Variants in TTC5 observed in about 807,000 individuals in gnomAD.
TTC5 encodes the protein tetratricopeptide repeat domain 5, also known as tetratricopeptide repeat protein 5.
Under a neutral mutation model 57.4 loss-of-function variants are expected in TTC5, and 46 were observed. The ratio of observed to expected loss-of-function variants is 0.80; its 90% CI spans 0.63 to 1.03. The LOEUF (loss-of-function observed/expected upper bound fraction) is 1.03. Ranked by LOEUF, TTC5 falls within the 50% of genes least tolerant of loss-of-function variation. TTC5 has a pLI of 0.00. For missense variants in TTC5, 504 were observed against 528.1 expected (o/e 0.95, Z 0.45); for synonymous variants, 190 against 203.5 (o/e 0.93, Z 0.57).
At chr14:20,298,626 A>T (rs756124188) in intron 5 of TTC5, among the ~76,000 whole-genome samples, 171 bp downstream of exon 5, 1 of 152,222 alleles carries the variant, frequency 6.6e-6, no homozygotes, top group Non-Finnish European at 1.5e-5. Flanking sequence ...CACTCAAGTT[A>T]TAAGAAGTCA....
chr14:20,296,767 C>G (rs1882072472), intron 5 of TTC5, among the ~76,000 whole-genome samples: 1 of 152,162 alleles, frequency 6.6e-6, no homozygotes, highest in Admixed American at 6.5e-5. Context: ...AATCCCAGCA[C>G]TTTGGAAAGC....
chr14:20,299,146 G>T (rs1882129155), intron 4 of TTC5, 152 bp downstream of exon 4: 1 of 851,790 alleles, frequency 1.2e-6, no homozygotes, highest in Non-Finnish European at 1.8e-6. Flanking sequence ...TAGAAAAGTA[G>T]TTCCCCAAAA....
intron 3 of TTC5, 79 bp from the exon 4 acceptor site, chr14:20,299,527 A>G: frequency 2.6e-6 from 4 of 1,512,082 alleles, no homozygotes; most frequent in Non-Finnish European, 2.7e-6. Flanking sequence ...TCAGTCTTCT[A>G]AATCTAATTT....
chr14:20,289,855 C>A lies in TTC5; in HGVS notation c.1204-109G>T, dbSNP rs562116024. On this transcript the variant is annotated intron_variant, in intron 9 of 9. Coordinates refer to ENST00000258821, the MANE Select transcript of TTC5 (RefSeq NM_138376.3). ...TCTGCACCACCTCCCCTGTTGTATA[C>A]CCCCTCTACTTCCATCTCACATCAG... 8.5e-6 allele frequency: 10 copies of A among 1,177,302 alleles called. No homozygotes were observed. The Admixed American group carries it at 1.9e-4, about 23-fold the overall frequency. The allele number at this position is 1,177,302 out of a possible 1,614,324, so 72.9% of individuals were successfully genotyped here.
At chr14:20,290,774 A>T (rs1243793199) in intron 9 of TTC5, among the ~76,000 whole-genome samples, 1 of 152,226 alleles carries the variant, frequency 6.6e-6, no homozygotes, top group Non-Finnish European at 1.5e-5. Context: ...CTATTATAAA[A>T]GTACTAATTT....
chr14:20,298,680 T>C (rs1423217837), intron 5 of TTC5, 117 bp downstream of exon 5: 6 of 694,120 alleles, frequency 8.6e-6, no homozygotes, highest in Non-Finnish European at 2.4e-6. Context: ...AAAAATGAGA[T>C]GCCAGCAAAC....
chr14:20,287,699 C>T lies in TTC5; in HGVS notation c.*1928G>A, dbSNP rs1428163650. 1 of 152,136 alleles carries T rather than the reference C, an allele frequency of 6.6e-6. No homozygotes were observed. The highest frequency in any genetic ancestry group is 1.5e-5 in the Non-Finnish European group (1 of 68,034). 9.4% of individuals were successfully genotyped at this position (152,136 alleles called of 1,614,324 possible). A position where few individuals can be genotyped will look rare whatever the true frequency, so the allele number is the denominator to read the frequency against. ...CTGGCCATTTTTCTACTCTCTAGCC[C>T]TACACAGAACATGTCAACTCATCTC... On this transcript the variant is annotated 3_prime_UTR_variant, in exon 10 of 10. Transcript: ENST00000258821.
At chr14:20,294,748 A>G (rs2138808754) in intron 8 of TTC5, 1 of 152,472 alleles carries the variant, frequency 6.6e-6, no homozygotes, top group East Asian at 1.9e-4. Context: ...TTTCTAAACA[A>G]ATATTCTTAA....
intron 8 of TTC5, 181 bp downstream of exon 8, chr14:20,295,131 T>C (rs1882033040): frequency 3.3e-6 from 2 of 611,004 alleles, no homozygotes; most frequent in African/African-American, 1.9e-5. Context: ...TACAAAAGCC[T>C]CTGATCAAAA....
intron 9 of TTC5, among the ~76,000 whole-genome samples, chr14:20,290,780 A>G (rs1689954383): frequency 6.6e-6 from 1 of 152,186 alleles, no homozygotes; most frequent in Admixed American, 6.5e-5. Context: ...TAAAAGTACT[A>G]ATTTAGATCG....
intron 1 of TTC5, 133 bp downstream of exon 1, chr14:20,305,754 G>A: frequency 2.1e-6 from 2 of 942,502 alleles, no homozygotes; most frequent in Non-Finnish European, 3.4e-6. Flanking sequence ...ACCCTCGAGG[G>A]TTGTTATAGT....
At position 20,299,152 on chromosome 14, in the gene TTC5, C is replaced by T. The variant is rs1005889828; in HGVS notation, c.547+146G>A. 3.3e-6 allele frequency: 3 copies of T among 911,172 alleles called. No individual in the cohort carries two copies. The Admixed American group carries it at 8.6e-5, about 26-fold the overall frequency. 56.4% of individuals were successfully genotyped at this position (911,172 alleles called of 1,614,324 possible). On this transcript the variant is annotated intron_variant, in intron 4 of 9. Transcript: ENST00000258821. ...AAGAGTTCCTAGAAAAGTAGTTCCC[C>T]AAAATGTCTTTCGTGTGTCTTCAAA...
chr14:20,301,621 A>T (rs1882194058), intron 2 of TTC5, among the ~76,000 whole-genome samples: 1 of 152,232 alleles, frequency 6.6e-6, no homozygotes, highest in Non-Finnish European at 1.5e-5. Flanking sequence ...TCAAGTAAGT[A>T]TGCTCTTTCA....
intron 1 of TTC5, among the ~76,000 whole-genome samples, chr14:20,304,807 T>G (rs947147735): frequency 6.6e-6 from 1 of 152,342 alleles, no homozygotes; most frequent in African/African-American, 2.4e-5. Flanking sequence ...TTGTTTGGTT[T>G]TATTGTTTGG....
At chr14:20,299,517 T>G in intron 3 of TTC5, 69 bp from the exon 4 acceptor site, 1 of 1,533,252 alleles carries the variant, frequency 6.5e-7, no homozygotes, top group Non-Finnish European at 9.0e-7. Flanking sequence ...TATTCTGAAC[T>G]CAGTCTTCTA....
chr14:20,289,168 G>A lies in TTC5; in HGVS notation c.*459C>T, dbSNP rs1881901473. 6.7e-6 allele frequency: 1 copy of A among 149,024 alleles called. No individual in the cohort carries two copies. The highest frequency in any genetic ancestry group is 1.5e-5 in the Non-Finnish European group (1 of 67,568). The allele number at this position is 149,024 out of a possible 1,614,324, so 9.2% of individuals were successfully genotyped here. ...TCCAAACAAATTTAATTCTGTTCCA[G>A]CCCCAAAGAAGAGGAAGGACCTAAA... is the stretch of plus-strand genomic sequence containing the variant. On this transcript the variant is annotated 3_prime_UTR_variant, in exon 10 of 10. Transcript: ENST00000258821.
chr14:20,295,529 G>A lies in TTC5; in HGVS notation c.844-3C>T, dbSNP rs1474541884. 1 of 1,606,398 alleles carries A rather than the reference G, an allele frequency of 6.2e-7. No homozygotes were observed. The highest frequency in any genetic ancestry group is 1.1e-5 in the South Asian group (1 of 90,896). On this transcript the variant is annotated splice_region_variant and splice_polypyrimidine_tract_variant and intron_variant, in intron 7 of 9. Coordinates refer to ENST00000258821, the MANE Select transcript of TTC5 (RefSeq NM_138376.3). ...AGCTTTTTGGTCTTCACCTTTCCCT[G>A]CAAAGAAGGGGAAATAGGTAAGAAG...
At chr14:20,294,914 C>A in intron 8 of TTC5, 1 of 190,448 alleles carries the variant, frequency 5.3e-6, no homozygotes, top group Non-Finnish European at 1.1e-5. Context: ...ACTCAAAGCT[C>A]ACTTTTCAGA....
intron 1 of TTC5, among the ~76,000 whole-genome samples, chr14:20,303,343 A>G (rs989851676): frequency 1.3e-5 from 2 of 152,208 alleles, no homozygotes; most frequent in Non-Finnish European, 2.9e-5. Context: ...TCCCCAAGTT[A>G]TCTCATTATG....
Sources: allele counts gnomAD v4.1 joint callset (sites outside exome capture counted in the v4.1 genomes callset), GRCh38; gene constraint gnomAD v4.1.1; transcripts MANE v1.5; gene names NCBI Gene and HGNC (gene_info 2026-07-23, HGNC 2026-07-21).